Variants in ATCAY observed in about 807,000 individuals in gnomAD.
The protein encoded by ATCAY is ATCAY kinesin light chain interacting caytaxin.
In ATCAY, 22 loss-of-function variants were observed where a neutral mutation model predicts 47.7. That is an observed-to-expected ratio of 0.46 (90% CI 0.33 to 0.66). The LOEUF (loss-of-function observed/expected upper bound fraction) is 0.66, where lower values mean the gene tolerates loss of function less well. Among genes scored for constraint, ATCAY ranks in the 30% least tolerant of loss-of-function variants. The pLI, the probability that ATCAY is intolerant of heterozygous loss-of-function variation, is 0.02. For synonymous variants in ATCAY, 216 were observed against 207.6 expected (o/e 1.04, Z -0.35); for missense variants, 452 against 515.0 (o/e 0.88, Z 1.18).
chr19:3,884,588 T>G (rs929501735), intron 1 of ATCAY, among the ~76,000 whole-genome samples: 1 of 152,056 alleles, frequency 6.6e-6, no homozygotes, highest in Non-Finnish European at 1.5e-5. Flanking sequence ...CTAGTTGAGG[T>G]CCAAGGCACA....
At chr19:3,910,131 A>C (rs571860564) in intron 7 of ATCAY, among the ~76,000 whole-genome samples, 157 of 151,728 alleles carry the variant, frequency 1.0e-3, no homozygotes, top group Non-Finnish European at 1.5e-3. Context: ...AGGCTCCGGC[A>C]CCCCCCATCC....
Position 3,898,100 on chromosome 19 carries a change from C to G in ATCAY, c.78-4387C>G, listed in dbSNP as rs2038785070. Among the ~76,000 whole-genome samples, 4 of 152,206 alleles carry G rather than the reference C, an allele frequency of 2.6e-5. No individual in the cohort carries two copies. The South Asian group carries it at 8.3e-4, about 32-fold the overall frequency. On this transcript the variant is annotated intron_variant, in intron 2 of 12. Coordinates refer to ENST00000450849, the MANE Select transcript of ATCAY (RefSeq NM_033064.5). ...GGAAATCCTATCTACTAAGTCAGCC[C>G]CATTTTCATCCCTCTCCCCCAACCC...
In ATCAY at chr19:3,909,490, G is replaced by A. The variant is rs758633621; in HGVS notation, c.652G>A (p.Val218Ile). The change falls in exon 7 of 13, where the codon GTC becomes ATC. Residue 218 changes from valine to isoleucine, a missense_variant. Coordinates refer to ENST00000450849, the MANE Select transcript of ATCAY (RefSeq NM_033064.5). ...CCTTCTGTGCCCCGTGAGCAGGTAC[G>A]TCATCAGCAGCTTAGAGCTCCTGGT... ...HYIMENLFLY[V>I]ISSLELLVAE... 1.2e-5 allele frequency: 19 copies of A among 1,613,262 alleles called. No individual in the cohort carries two copies. The highest frequency in any genetic ancestry group is 9.9e-5 in the South Asian group (9 of 91,078).
chr19:3,888,097 G>T (rs1427490218), intron 2 of ATCAY, among the ~76,000 whole-genome samples: 8 of 145,604 alleles, frequency 5.5e-5, no homozygotes, highest in Non-Finnish European at 8.9e-5. Context: ...CCGGGTGACA[G>T]TGTGAGACTC....
At chr19:3,918,565 A>C (rs1027556987) in intron 10 of ATCAY, among the ~76,000 whole-genome samples, 1 of 150,532 alleles carries the variant, frequency 6.6e-6, no homozygotes, top group South Asian at 2.1e-4. Flanking sequence ...AAAAAAAAAA[A>C]CAAAAAAAAA....
intron 3 of ATCAY, among the ~76,000 whole-genome samples, chr19:3,904,329 A>C (rs906020913): frequency 7.2e-5 from 11 of 152,244 alleles, no homozygotes; most frequent in Non-Finnish European, 1.3e-4. Context: ...ATCTCAAAAA[A>C]ATAAATACAT....
chr19:3,912,834 A>G (rs548962507), intron 8 of ATCAY, among the ~76,000 whole-genome samples: 19 of 151,888 alleles, frequency 1.3e-4, no homozygotes, highest in African/African-American at 4.6e-4. Flanking sequence ...GTAGTGAGCC[A>G]TGATTACACC....
intron 2 of ATCAY, chr19:3,895,290 C>A (rs925598604): frequency 6.7e-6 from 3 of 450,598 alleles, no homozygotes; most frequent in Non-Finnish European, 8.9e-6. Context: ...TCTCAGCTCA[C>A]TGCAACCTCC....
Position 3,924,574 on chromosome 19 carries a change from C to A in ATCAY, c.1107-9C>A. Reference sequence around the variant, plus strand: ...AGCAATAACTTGGCCTGTGTCTTTCCCTCCCTAGCATGTCCTGAGGCGACG... The same window carrying A: ...AGCAATAACTTGGCCTGTGTCTTTCACTCCCTAGCATGTCCTGAGGCGACG... On this transcript the variant is annotated splice_polypyrimidine_tract_variant and intron_variant, in intron 12 of 12. Coordinates refer to ENST00000450849, the MANE Select transcript of ATCAY (RefSeq NM_033064.5). 1 of 1,613,790 alleles carries A rather than the reference C, an allele frequency of 6.2e-7. No homozygotes were observed. The highest frequency in any genetic ancestry group is 1.7e-5 in the Admixed American group (1 of 59,988).
At chr19:3,897,108 C>T (rs1186691166) in intron 2 of ATCAY, among the ~76,000 whole-genome samples, 1 of 151,816 alleles carries the variant, frequency 6.6e-6, no homozygotes, top group Non-Finnish European at 1.5e-5. Flanking sequence ...ATCTCTTCTT[C>T]GACAGCAAAT....
chr19:3,888,335 A>T (rs1460145108), intron 2 of ATCAY, among the ~76,000 whole-genome samples: 1 of 152,102 alleles, frequency 6.6e-6, no homozygotes, highest in Non-Finnish European at 1.5e-5. Context: ...AGAGAATTGG[A>T]AAAGAATCTC....
chr19:3,908,007 G>A (rs565749718), intron 5 of ATCAY, 88 bp downstream of exon 5: 144 of 1,476,250 alleles, frequency 9.8e-5, no homozygotes, highest in Middle Eastern at 3.4e-4. Flanking sequence ...TCTGATGCAC[G>A]GGGATGTTAA....
At chr19:3,892,920 T>A (rs561590147) in intron 2 of ATCAY, among the ~76,000 whole-genome samples, 1 of 151,662 alleles carries the variant, frequency 6.6e-6, no homozygotes, top group African/African-American at 2.4e-5. Context: ...AAAAAAAAAA[T>A]TTACCCTCAA....
At chr19:3,896,996 C>T (rs1446199160) in intron 2 of ATCAY, among the ~76,000 whole-genome samples, 4 of 151,306 alleles carry the variant, frequency 2.6e-5, no homozygotes, top group African/African-American at 9.7e-5. Flanking sequence ...AGGCTGGTCT[C>T]GAACTCCTGA....
Position 3,907,797 on chromosome 19 carries a change from G to C in ATCAY, c.422G>C (p.Gly141Ala), listed in dbSNP as rs903109801. 6.2e-7 allele frequency: 1 copy of C among 1,614,012 alleles called. No homozygotes were observed. Among genetic ancestry groups the C allele is most frequent in the African/African-American group, 1.3e-5 (1 of 75,072 alleles). ...PGDSADLFGD[G>A]TTEDGSAANG... ...GACAGCGCGGATCTATTTGGGGACG[G>C]CACGACGGAGGACGGCAGCGCCGCC... Residue 141 changes from glycine (G) to alanine (A), a missense_variant, in exon 5 of 13, where the codon GGC becomes GCC. Gly to Ala is a moderately conservative substitution (Grantham distance 60). Transcript: ENST00000450849. The surrounding 1 kb of genome is among the most constrained non-coding windows in gnomAD (Gnocchi z 5.1).
intron 2 of ATCAY, among the ~76,000 whole-genome samples, chr19:3,899,820 A>C (rs2038800580): frequency 1.3e-5 from 2 of 152,136 alleles, no homozygotes; most frequent in Admixed American, 6.6e-5. Context: ...TTCCCAGGGT[A>C]GCCAAGGAGC....
At chr19:3,910,303 A>G (rs1217574127) in intron 7 of ATCAY, among the ~76,000 whole-genome samples, 1 of 152,146 alleles carries the variant, frequency 6.6e-6, no homozygotes, top group Non-Finnish European at 1.5e-5. Flanking sequence ...TCATGGCTGC[A>G]TAATATTCCA....
chr19:3,907,710 C>T lies in ATCAY; in HGVS notation c.359-24C>T, dbSNP rs751261320. 1.2e-5 allele frequency: 20 copies of T among 1,612,778 alleles called. No homozygotes were observed. The highest frequency in any genetic ancestry group is 1.4e-5 in the Non-Finnish European group (17 of 1,179,554). On this transcript the variant is annotated intron_variant, in intron 4 of 12. Coordinates refer to ENST00000450849, the MANE Select transcript of ATCAY (RefSeq NM_033064.5). The surrounding 1 kb of genome is among the most constrained non-coding windows in gnomAD (Gnocchi z 5.1). Reference sequence around the variant, plus strand: ...AGATATCCGGACTCTGGCGTCCATGCGACTCTCCGCCACCTGCTTCTAGAC... The same window carrying T: ...AGATATCCGGACTCTGGCGTCCATGTGACTCTCCGCCACCTGCTTCTAGAC...
Position 3,907,679 on chromosome 19 carries a change from G to A in ATCAY, c.359-55G>A, listed in dbSNP as rs1599288857. On this transcript the variant is annotated intron_variant, in intron 4 of 12. Coordinates refer to ENST00000450849, the MANE Select transcript of ATCAY (RefSeq NM_033064.5). This position sits in a 1 kb window ranked among gnomAD's most constrained non-coding sequence, Gnocchi z 5.1. ...GAGGGGAAGGAAGGCTGAGCAGGAG[G>A]GCAGGAGATATCCGGACTCTGGCGT... The A allele has an allele frequency of 3.2e-5, 52 of 1,600,634 alleles. No homozygotes were observed. Among genetic ancestry groups the A allele is most frequent in the Non-Finnish European group, 4.1e-5 (48 of 1,171,616 alleles).
Sources: gnomAD v4.1 joint callset for allele counts (sites outside exome capture counted in the v4.1 genomes callset) on GRCh38, gnomAD v4.1.1 for gene constraint, Gnocchi (gnomAD v3.1) non-coding constraint, MANE v1.5 for transcripts, NCBI Gene and HGNC (gene_info 2026-07-23, HGNC 2026-07-21) for gene names.